The following NUBPL variants were observed in gnomAD, a reference collection of about 807,000 sequenced individuals.
The protein encoded by NUBPL is iron-sulfur cluster transfer protein NUBPL.
In NUBPL, 31 loss-of-function variants were observed where a neutral mutation model predicts 45.7. That is an observed-to-expected ratio of 0.68 (90% CI 0.51 to 0.92). The LOEUF is 0.92. Among genes scored for constraint, NUBPL ranks in the 40% least tolerant of loss-of-function variants. The pLI, the probability that NUBPL is intolerant of heterozygous loss-of-function variation, is 0.00. For synonymous variants in NUBPL, 144 were observed against 140.9 expected (o/e 1.02, Z -0.15); for missense variants, 401 against 398.7 (o/e 1.01, Z -0.05).
chr14:31,670,565 G>A (rs1233944763), intron 4 of NUBPL, among the ~76,000 whole-genome samples: 1 of 152,118 alleles, frequency 6.6e-6, no homozygotes, highest in Non-Finnish European at 1.5e-5. Context: ...TGTCCAGGAT[G>A]GTAATACCTA....
chr14:31,638,272 A>C (rs149745802), intron 4 of NUBPL, among the ~76,000 whole-genome samples: 64,574 of 151,300 alleles, frequency 0.43, 16,683 homozygotes, highest in East Asian at 0.6. Context: ...GAGCTCTTTT[A>C]GGGCAGGCCT....
chr14:31,592,942 A>C (rs1209530872), intron 3 of NUBPL, among the ~76,000 whole-genome samples: 1 of 152,210 alleles, frequency 6.6e-6, no homozygotes, highest in Non-Finnish European at 1.5e-5. Context: ...TTTACATTCT[A>C]GTAGAGGAGA....
At chr14:31,644,663 G>A (rs2035795928) in intron 4 of NUBPL, among the ~76,000 whole-genome samples, 2 of 152,082 alleles carry the variant, frequency 1.3e-5, no homozygotes, top group Non-Finnish European at 2.9e-5. Flanking sequence ...TGTCAGTTAA[G>A]TGTATTTGGT....
At chr14:31,569,109 T>G (rs2033513377) in intron 3 of NUBPL, among the ~76,000 whole-genome samples, 1 of 152,204 alleles carries the variant, frequency 6.6e-6, no homozygotes. Flanking sequence ...TGAATGTCAC[T>G]GGTCTAGGCT....
At chr14:31,625,477 C>CTTT (rs34987045) in intron 4 of NUBPL, among the ~76,000 whole-genome samples, 9 of 137,776 alleles carry the variant, frequency 6.5e-5, no homozygotes, top group Non-Finnish European at 1.1e-4. Context: ...TCTTTTCTTT[C>CTTT]TTTTTTTTTT....
intron 6 of NUBPL, among the ~76,000 whole-genome samples, chr14:31,730,088 A>G (rs180876365): frequency 5.9e-5 from 9 of 152,346 alleles, no homozygotes; most frequent in Admixed American, 2.0e-4. Context: ...TCATGGCAGT[A>G]CGGCAATTTG....
intron 6 of NUBPL, among the ~76,000 whole-genome samples, chr14:31,760,144 T>A (rs370629051): frequency 3.2e-4 from 11 of 34,844 alleles, no homozygotes; most frequent in Non-Finnish European, 4.3e-4. Flanking sequence ...TGTGTGTGTG[T>A]GAGAGAGAGA....
intron 4 of NUBPL, among the ~76,000 whole-genome samples, chr14:31,611,328 G>A (rs545570644): frequency 1.3e-5 from 2 of 152,092 alleles, no homozygotes; most frequent in Non-Finnish European, 2.9e-5. Context: ...GTTTATAATA[G>A]CCACACATAA....
At chr14:31,593,215 G>A (rs979379669) in intron 3 of NUBPL, among the ~76,000 whole-genome samples, 4 of 152,058 alleles carry the variant, frequency 2.6e-5, no homozygotes, top group African/African-American at 9.7e-5. Context: ...GCCATTTTAT[G>A]TAAGAGTCTG....
chr14:31,829,433 G>T (rs1359343328), intron 8 of NUBPL, among the ~76,000 whole-genome samples: 3 of 152,174 alleles, frequency 2.0e-5, no homozygotes, highest in Non-Finnish European at 4.4e-5. Context: ...TCTGTGAACA[G>T]TTGGGCAATC....
At chr14:31,592,499 A>G (rs2034168491) in intron 3 of NUBPL, among the ~76,000 whole-genome samples, 1 of 152,204 alleles carries the variant, frequency 6.6e-6, no homozygotes. Flanking sequence ...TGTCAGATTT[A>G]GCAAATAACA....
intron 4 of NUBPL, among the ~76,000 whole-genome samples, chr14:31,641,924 G>A (rs1046853942): frequency 2.6e-5 from 4 of 152,218 alleles, no homozygotes; most frequent in East Asian, 1.9e-4. Flanking sequence ...GCATTTCTCT[G>A]ATCATTAGTG....
chr14:31,659,998 G>T (rs2036230495), intron 4 of NUBPL, among the ~76,000 whole-genome samples: 1 of 152,134 alleles, frequency 6.6e-6, no homozygotes, highest in African/African-American at 2.4e-5. Context: ...GTACAAAAGA[G>T]AAAAGTATGC....
intron 10 of NUBPL, among the ~76,000 whole-genome samples, chr14:31,852,129 C>G (rs1195992402): frequency 6.6e-6 from 1 of 152,166 alleles, no homozygotes; most frequent in Non-Finnish European, 1.5e-5. Flanking sequence ...AGTTTTCTAA[C>G]CTCTCTGAAC....
intron 4 of NUBPL, among the ~76,000 whole-genome samples, chr14:31,623,985 G>C (rs2035139128): frequency 6.6e-6 from 1 of 152,170 alleles, no homozygotes; most frequent in South Asian, 2.1e-4. Flanking sequence ...GTAAGGGAGT[G>C]ACACTCAGTT....
chr14:31,757,013 G>C (rs541825330), intron 6 of NUBPL, among the ~76,000 whole-genome samples: 18,839 of 151,736 alleles, frequency 0.12, 3,138 homozygotes, highest in African/African-American at 0.39. Context: ...TTATTAATTT[G>C]CATATATTGA....
chr14:31,569,265 C>T (rs188638683), intron 3 of NUBPL, among the ~76,000 whole-genome samples: 1 of 152,152 alleles, frequency 6.6e-6, no homozygotes, highest in East Asian at 1.9e-4. Flanking sequence ...GGTGTGATCT[C>T]AGCTCACTGC....
intron 4 of NUBPL, among the ~76,000 whole-genome samples, chr14:31,661,828 C>T (rs1418950554): frequency 3.9e-5 from 6 of 152,208 alleles, no homozygotes; most frequent in African/African-American, 7.2e-5. Context: ...GCGTGAGCCA[C>T]TGCACCTGGC....
intron 6 of NUBPL, among the ~76,000 whole-genome samples, chr14:31,700,871 C>T (rs184779419): frequency 1.5e-3 from 233 of 152,170 alleles, no homozygotes; most frequent in Middle Eastern, 0.014. Flanking sequence ...GCCTCCCCGA[C>T]GGGTGCTGCC....
Sources: allele counts gnomAD v4.1 joint callset (sites outside exome capture counted in the v4.1 genomes callset), GRCh38; gene constraint gnomAD v4.1.1; transcripts MANE v1.5; gene names NCBI Gene and HGNC (gene_info 2026-07-23, HGNC 2026-07-21).